TMC1: variants seen among roughly 807,000 people sequenced by gnomAD.
TMC1 encodes the protein transmembrane channel like 1.
TMC1 carries 84 observed loss-of-function variants against 105.8 expected under a neutral mutation model. The observed-to-expected ratio is 0.79, with a 90% CI of 0.67 to 0.95. The LOEUF is 0.95. Ranked by LOEUF, TMC1 falls within the 40% of genes least tolerant of loss-of-function variation. The probability of loss-of-function intolerance (pLI) is 0.00; values close to 1 mark genes in which losing one functional copy is unlikely to be tolerated. For missense variants in TMC1, 817 were observed against 914.1 expected, an observed-to-expected ratio of 0.89 and a Z score of 1.37; for synonymous variants, 315 against 311.5, an observed-to-expected ratio of 1.01 and a Z score of -0.12.
rs933069200 is a variant in TMC1 at position 72,616,820 on chromosome 9, C to T, written c.-196+343C>T. Reference sequence around the variant, plus strand: ...TCCCACCCACTGCTGTTCCCACCCCCGCTGTAGTTGGTAGCATGTTCACAA... The same window carrying T: ...TCCCACCCACTGCTGTTCCCACCCCTGCTGTAGTTGGTAGCATGTTCACAA... On this transcript the variant is annotated intron_variant, in intron 3 of 23. Coordinates refer to ENST00000297784, the MANE Select transcript of TMC1 (RefSeq NM_138691.3). 3.9e-5 allele frequency among the ~76,000 whole-genome samples: 6 copies of T among 152,072 alleles called. No homozygotes were observed. In the East Asian group the frequency reaches 5.8e-4, roughly 15 times the overall value.
chr9:72,522,525 A>G (rs1823330491), intron 1 of TMC1, among the ~76,000 whole-genome samples: 1 of 152,220 alleles, frequency 6.6e-6, no homozygotes. Context: ...ACATGACAGT[A>G]AAGGGGGACA....
intron 4 of TMC1, among the ~76,000 whole-genome samples, chr9:72,633,713 G>A (rs1825487008): frequency 6.6e-6 from 1 of 152,088 alleles, no homozygotes; most frequent in African/African-American, 2.4e-5. Context: ...ATGAACCAAA[G>A]GAATGAATTC....
intron 13 of TMC1, among the ~76,000 whole-genome samples, chr9:72,784,983 T>C (rs1828146920): frequency 6.6e-6 from 1 of 152,080 alleles, no homozygotes; most frequent in South Asian, 2.1e-4. Context: ...AAACTACCTA[T>C]TGGTTACTAC....
intron 2 of TMC1, among the ~76,000 whole-genome samples, chr9:72,593,274 C>T (rs146388651): frequency 0.038 from 5,724 of 151,868 alleles, 154 homozygotes; most frequent in Middle Eastern, 0.095. Flanking sequence ...TGTGGTGGCT[C>T]ATGCCTGCAA....
At chr9:72,764,557 A>T (rs961151303) in intron 12 of TMC1, among the ~76,000 whole-genome samples, 2 of 152,166 alleles carry the variant, frequency 1.3e-5, no homozygotes, top group African/African-American at 4.8e-5. Context: ...TGTCTCTCAG[A>T]CACTTCTTTG....
chr9:72,766,744 A>T lies in TMC1; in HGVS notation c.742-5669A>T, dbSNP rs116717893. 8.8e-3 allele frequency among the ~76,000 whole-genome samples: 1,345 copies of T among 152,280 alleles called. 18 individuals are homozygous for T. Among genetic ancestry groups the T allele is most frequent in the African/African-American group, 0.031 (1,281 of 41,550 alleles). Reference sequence around the variant, plus strand: ...CTTGATTCCCTCTGCTGAAAATTAGATCTGCCTAGGCTCAGCTCAGCTTCC... The same window carrying T: ...CTTGATTCCCTCTGCTGAAAATTAGTTCTGCCTAGGCTCAGCTCAGCTTCC... On this transcript the variant is annotated intron_variant, in intron 12 of 23. Coordinates refer to ENST00000297784, the MANE Select transcript of TMC1 (RefSeq NM_138691.3).
intron 13 of TMC1, among the ~76,000 whole-genome samples, chr9:72,778,028 G>A (rs1385126084): frequency 6.6e-6 from 1 of 152,182 alleles, no homozygotes; most frequent in African/African-American, 2.4e-5. Context: ...ATTTCATGGT[G>A]AGCAAAATAA....
At chr9:72,543,937 T>C (rs577282294) in intron 1 of TMC1, among the ~76,000 whole-genome samples, 127 of 94,164 alleles carry the variant, frequency 1.3e-3, no homozygotes, top group African/African-American at 9.8e-3. Context: ...AGTTTCTTTT[T>C]CTTTTTCTTT....
At chr9:72,720,274 A>G (rs1435723242) in intron 8 of TMC1, among the ~76,000 whole-genome samples, 3 of 152,236 alleles carry the variant, frequency 2.0e-5, no homozygotes, top group Non-Finnish European at 2.9e-5. Context: ...CTACCAAGCA[A>G]GCTCTCCCAG....
chr9:72,655,324 C>T (rs1317151636), intron 5 of TMC1, among the ~76,000 whole-genome samples: 1 of 152,192 alleles, frequency 6.6e-6, no homozygotes, highest in Non-Finnish European at 1.5e-5. Context: ...TTCATAGCAG[C>T]ATGAGAATGG....
rs1055361532 is a variant in TMC1, at chr9:72,836,275, A to G, written c.*302A>G. ...AGAAGTGAGTGTAATCCAGCAATACAGTTTACTGGTTTAGTTGGTGGGTTA... is the reference window on the plus strand; with the variant it reads ...AGAAGTGAGTGTAATCCAGCAATACGGTTTACTGGTTTAGTTGGTGGGTTA... On this transcript the variant is annotated 3_prime_UTR_variant, in exon 24 of 24. Coordinates refer to ENST00000297784, the MANE Select transcript of TMC1 (RefSeq NM_138691.3). 14 of 391,566 alleles carry G rather than the reference A, an allele frequency of 3.6e-5. No homozygotes were observed. The highest frequency in any genetic ancestry group is 1.6e-4 in the Admixed American group (4 of 24,732). The allele number at this position is 391,566 out of a possible 1,614,324, so 24.3% of individuals were successfully genotyped here. A position where few individuals can be genotyped will look rare whatever the true frequency, so the allele number is the denominator to read the frequency against.
At chr9:72,536,569 T>C (rs1260541936) in intron 1 of TMC1, among the ~76,000 whole-genome samples, 1 of 152,198 alleles carries the variant, frequency 6.6e-6, no homozygotes, top group African/African-American at 2.4e-5. Context: ...CCTGACCTCG[T>C]GATCCGCCTG....
In TMC1 at chr9:72,830,462, A is replaced by G. The variant is rs1829021333; in HGVS notation, c.2141A>G (p.Tyr714Cys). The change falls in exon 22 of 24, where the codon TAT (tyrosine) becomes TGT (cysteine). Residue 714 changes from tyrosine to cysteine, a missense_variant. Coordinates refer to ENST00000297784, the MANE Select transcript of TMC1 (RefSeq NM_138691.3). ...TCTTTTTAATTTAGTTTGGCCATCT[A>G]TTATCTCAATGCTACTGCCAAGGGC... ...AVILVMVLAI[Y>C]YLNATAKGQK... The G allele has an allele frequency of 4.3e-6, 7 of 1,612,636 alleles. No homozygotes were observed. The highest frequency in any genetic ancestry group is 1.3e-5 in the African/African-American group (1 of 74,980).
At chr9:72,805,074 C>T (rs1012726471) in intron 17 of TMC1, among the ~76,000 whole-genome samples, 4 of 152,194 alleles carry the variant, frequency 2.6e-5, no homozygotes, top group Non-Finnish European at 5.9e-5. Context: ...TAGTGCTATT[C>T]ACCACATAAA....
At chr9:72,558,097 A>G (rs1471161717) in intron 1 of TMC1, among the ~76,000 whole-genome samples, 1 of 152,194 alleles carries the variant, frequency 6.6e-6, no homozygotes, top group East Asian at 1.9e-4. Context: ...TCCAAATTGA[A>G]GACATAGGAA....
At chr9:72,705,702 C>T (rs1372538462) in intron 8 of TMC1, among the ~76,000 whole-genome samples, 1 of 152,222 alleles carries the variant, frequency 6.6e-6, no homozygotes, top group Non-Finnish European at 1.5e-5. Flanking sequence ...ACAGTTCTAA[C>T]ATTTCATGAG....
At chr9:72,690,366 T>C (rs1015297758) in intron 6 of TMC1, among the ~76,000 whole-genome samples, 1 of 152,140 alleles carries the variant, frequency 6.6e-6, no homozygotes, top group Non-Finnish European at 1.5e-5. Flanking sequence ...GTTACCAATA[T>C]ACTGTCATTA....
intron 5 of TMC1, among the ~76,000 whole-genome samples, chr9:72,666,522 A>C (rs959677901): frequency 6.6e-6 from 1 of 152,218 alleles, no homozygotes; most frequent in Non-Finnish European, 1.5e-5. Context: ...AAATGTGGTA[A>C]ATCTGAGACT....
In TMC1 at chr9:72,700,652, C is replaced by A. The variant is rs1453543733; in HGVS notation, c.362+9C>A. Reference sequence around the variant, plus strand: ...AAAATTGAAGTTCTCAAGTATGGTGCCACTTTTTATAAGTAGAAACACTTT... The same window carrying A: ...AAAATTGAAGTTCTCAAGTATGGTGACACTTTTTATAAGTAGAAACACTTT... On this transcript the variant is annotated intron_variant, in intron 8 of 23. Transcript: ENST00000297784. 1.9e-6 allele frequency: 3 copies of A among 1,559,514 alleles called. No homozygotes were observed. Among genetic ancestry groups the A allele is most frequent in the African/African-American group, 1.4e-5 (1 of 72,386 alleles).
Sources: allele counts gnomAD v4.1 joint callset (sites outside exome capture counted in the v4.1 genomes callset), GRCh38; gene constraint gnomAD v4.1.1; transcripts MANE v1.5; gene names NCBI Gene and HGNC (gene_info 2026-07-23, HGNC 2026-07-21).